Variants in MRTFB observed in about 807,000 individuals in gnomAD.
MRTFB encodes the protein myocardin-related transcription factor B.
Under a neutral mutation model 104.2 loss-of-function variants are expected in MRTFB, and 29 were observed. The observed-to-expected ratio is 0.28, with a 90% confidence interval of 0.21 to 0.38. MRTFB has a LOEUF of 0.38. Ranked by LOEUF, MRTFB falls within the 10% of genes least tolerant of loss-of-function variation. The pLI, the probability that MRTFB is intolerant of heterozygous loss-of-function variation, is 1.00. For synonymous variants in MRTFB, 535 were observed against 519.5 expected (o/e 1.03, Z -0.41); for missense variants, 1,270 against 1,341.6 (o/e 0.95, Z 0.83).
At chr16:14,082,118 C>T (rs1375420918) in intron 2 of MRTFB, among the ~76,000 whole-genome samples, 1 of 152,178 alleles carries the variant, frequency 6.6e-6, no homozygotes, top group Non-Finnish European at 1.5e-5. Context: ...ATTGTCCAGA[C>T]CAATGTCATG....
At chr16:14,218,367 G>GT (rs1224366908) in intron 7 of MRTFB, among the ~76,000 whole-genome samples, 2 of 152,076 alleles carry the variant, frequency 1.3e-5, no homozygotes, top group East Asian at 3.8e-4. Flanking sequence ...CCTGTCACGT[G>GT]TTTTTTTAAC....
the MRTFB span, among the ~76,000 whole-genome samples, chr16:14,059,870 A>C: frequency 6.6e-6 from 1 of 152,024 alleles, no homozygotes; most frequent in South Asian, 2.1e-4. Flanking sequence ...GGGGCCTCGG[A>C]CTTTAAATAT....
At position 14,180,634 on chromosome 16, in the gene MRTFB, G is replaced by C. The variant is rs560959048; in HGVS notation, c.155-29609G>C. On this transcript the variant is annotated intron_variant, in intron 3 of 16. Coordinates refer to ENST00000571589, the MANE Select transcript of MRTFB (RefSeq NM_001308142.2). ...GTCATGTGAATGGCTGCCTGAGGAG[G>C]AGCCACGCAAGCTGTCCTCTGCCTG... 3.1e-3 allele frequency among the ~76,000 whole-genome samples: 470 copies of C among 152,326 alleles called. 2 individuals are homozygous for C. Among genetic ancestry groups the C allele is most frequent in the Middle Eastern group, 6.8e-3 (2 of 294 alleles).
In MRTFB at chr16:14,262,076, CAAATTT is replaced by C. The variant is rs1480800611; in HGVS notation, c.*643_*648del. The C allele has an allele frequency of 3.0e-4, 45 of 151,910 alleles. No homozygotes were observed. Among genetic ancestry groups the C allele is most frequent in the African/African-American group, 9.4e-4 (39 of 41,418 alleles). The allele number at this position is 151,910 out of a possible 1,614,324, so 9.4% of individuals were successfully genotyped here. ...TTTTTGGAATCGTACTTTATATTTC[CAAATTT>C]AAATTTAAATGCAAGATCTTTCAAC... On this transcript the variant is annotated 3_prime_UTR_variant, in exon 17 of 17. Coordinates refer to ENST00000571589, the MANE Select transcript of MRTFB (RefSeq NM_001308142.2).
chr16:14,008,120 A>G, the MRTFB span, among the ~76,000 whole-genome samples: 1 of 152,166 alleles, frequency 6.6e-6, no homozygotes, highest in East Asian at 1.9e-4. Flanking sequence ...AGTCCCAGCA[A>G]CTCAGGAGGC....
At position 14,247,132 on chromosome 16, in the gene MRTFB, T is replaced by C. The variant is rs748744326; in HGVS notation, c.1872T>C (p.Ser624=). ...LEAQPSAPGH[S]VKSDQKHGSL... ...CCCAGCCCAGTGCCCCAGGTCATTC[T>C]GTCAAGTCAGATCAGAAGCACGGCA... The change falls in exon 12 of 17, where the codon TCT becomes TCC. Residue 624 remains serine (S), a synonymous_variant. Transcript: ENST00000571589. The C allele has an allele frequency of 9.3e-6, 15 of 1,614,074 alleles. No homozygotes were observed. Among genetic ancestry groups the C allele is most frequent in the Non-Finnish European group, 1.3e-5 (15 of 1,180,044 alleles).
intron 15 of MRTFB, among the ~76,000 whole-genome samples, chr16:14,257,373 C>T (rs779160439): frequency 1.3e-5 from 2 of 152,078 alleles, no homozygotes; most frequent in Non-Finnish European, 2.9e-5. Context: ...AAACAAACTG[C>T]TGTGTTTCCA....
At chr16:14,076,705 A>G (rs1443364736) in intron 1 of MRTFB, among the ~76,000 whole-genome samples, 1 of 152,152 alleles carries the variant, frequency 6.6e-6, no homozygotes, top group Admixed American at 6.5e-5. Flanking sequence ...ATGCATTTAT[A>G]ATTGGTGTAA....
the MRTFB span, among the ~76,000 whole-genome samples, chr16:14,051,162 G>C: frequency 1.9e-4 from 28 of 151,050 alleles, no homozygotes; most frequent in Middle Eastern, 6.8e-3. Context: ...AGACACAACA[G>C]TACACACAGA....
intron 8 of MRTFB, among the ~76,000 whole-genome samples, chr16:14,228,436 G>T (rs559313254): frequency 6.6e-6 from 1 of 152,240 alleles, no homozygotes; most frequent in African/African-American, 2.4e-5. Context: ...TTAGCTGGGC[G>T]TGGTGGTACG....
At chr16:14,016,807 A>AACTATTC in the MRTFB span, among the ~76,000 whole-genome samples, 1 of 141,596 alleles carries the variant, frequency 7.1e-6, no homozygotes, top group Non-Finnish European at 1.5e-5. Context: ...AAAGACCCTG[A>AACTATTC]CCTATTCCCA....
At chr16:14,247,663 T>A in intron 12 of MRTFB, 156 bp downstream of exon 12, 1 of 660,234 alleles carries the variant, frequency 1.5e-6, no homozygotes, top group Non-Finnish European at 2.5e-6. Flanking sequence ...TTCAGAAATC[T>A]GAATATCTAG....
At chr16:13,997,967 A>G in the MRTFB span, among the ~76,000 whole-genome samples, 1 of 152,158 alleles carries the variant, frequency 6.6e-6, no homozygotes, top group African/African-American at 2.4e-5. Context: ...AACAAACACA[A>G]TAATTTCAAG....
chr16:14,109,205 T>A (rs2036147966), intron 2 of MRTFB, among the ~76,000 whole-genome samples: 2 of 152,182 alleles, frequency 1.3e-5, no homozygotes, highest in Admixed American at 6.5e-5. Flanking sequence ...GTTGTGTAGT[T>A]CCTTCCTTTC....
rs761157606 is a variant in MRTFB at position 14,236,686 on chromosome 16, A to T, written c.831+2403A>T. Among the ~76,000 whole-genome samples, 11 of 152,192 alleles carry T rather than the reference A, an allele frequency of 7.2e-5. 1 individual carries two copies. Among genetic ancestry groups the T allele is most frequent in the African/African-American group, 1.2e-4 (5 of 41,442 alleles). On this transcript the variant is annotated intron_variant, in intron 9 of 16. Coordinates refer to ENST00000571589, the MANE Select transcript of MRTFB (RefSeq NM_001308142.2). ...AAATTTGACCAAGGCAGCCAGTATC[A>T]CTCCAACAGCAATGGCCGAGGCAGA...
intron 3 of MRTFB, among the ~76,000 whole-genome samples, chr16:14,201,800 T>C (rs2040717930): frequency 6.6e-6 from 1 of 152,184 alleles, no homozygotes; most frequent in Non-Finnish European, 1.5e-5. Flanking sequence ...TAAAAGACAT[T>C]TTATTTTCTG....
chr16:14,003,848 C>A, the MRTFB span, among the ~76,000 whole-genome samples: 9 of 152,242 alleles, frequency 5.9e-5, no homozygotes, highest in South Asian at 1.7e-3. Flanking sequence ...GGACTGTTCC[C>A]TAAGTACCTG....
At chr16:14,124,920 A>G (rs1567351870) in intron 2 of MRTFB, among the ~76,000 whole-genome samples, 1 of 152,232 alleles carries the variant, frequency 6.6e-6, no homozygotes, top group Non-Finnish European at 1.5e-5. Context: ...TAACCACTAC[A>G]GTATTTCCTG....
chr16:14,242,705 GTC>G (rs1192935339), intron 10 of MRTFB, among the ~76,000 whole-genome samples: 4 of 152,150 alleles, frequency 2.6e-5, no homozygotes, highest in Non-Finnish European at 5.9e-5. Flanking sequence ...CTGAACGCAG[GTC>G]TCTCATCTGC....
Sources: gnomAD v4.1 joint callset for allele counts (sites outside exome capture counted in the v4.1 genomes callset) on GRCh38, gnomAD v4.1.1 for gene constraint, MANE v1.5 for transcripts, NCBI Gene and HGNC (gene_info 2026-07-23, HGNC 2026-07-21) for gene names.